Variants in FTO observed in about 807,000 individuals in gnomAD.
The protein encoded by FTO is FTO alpha-ketoglutarate dependent dioxygenase, also known as alpha-ketoglutarate-dependent dioxygenase FTO.
FTO carries 47 observed loss-of-function variants against 63.9 expected under a neutral mutation model. That is an observed-to-expected ratio of 0.74 (90% CI 0.58 to 0.94). The LOEUF (loss-of-function observed/expected upper bound fraction) is 0.94, where lower values mean the gene tolerates loss of function less well. Ranked by LOEUF, FTO falls within the 40% of genes least tolerant of loss-of-function variation. The pLI, the probability that FTO is intolerant of heterozygous loss-of-function variation, is 0.00. For synonymous variants in FTO, 207 were observed against 224.4 expected (o/e 0.92, Z 0.69); for missense variants, 562 against 618.1 (o/e 0.91, Z 0.96).
At chr16:53,962,830 T>C (rs1315948917) in intron 8 of FTO, among the ~76,000 whole-genome samples, 1 of 152,220 alleles carries the variant, frequency 6.6e-6, no homozygotes, top group Non-Finnish European at 1.5e-5. Context: ...TGAATTACTG[T>C]AATTTGCAGC....
intron 8 of FTO, among the ~76,000 whole-genome samples, chr16:54,095,961 C>T (rs530687084): frequency 6.6e-6 from 1 of 152,306 alleles, no homozygotes; most frequent in East Asian, 1.9e-4. Flanking sequence ...TATTTCCAGT[C>T]CCCCTTGCTA....
chr16:53,869,155 G>A (rs971723205), intron 4 of FTO, among the ~76,000 whole-genome samples: 2 of 151,940 alleles, frequency 1.3e-5, no homozygotes, highest in Non-Finnish European at 1.5e-5. Context: ...CTTTTAAAGG[G>A]TAGTTTTGTA....
intron 8 of FTO, among the ~76,000 whole-genome samples, chr16:54,111,521 A>C (rs566330439): frequency 1.3e-5 from 2 of 152,186 alleles, no homozygotes; most frequent in Non-Finnish European, 2.9e-5. Context: ...GCTTCTACGA[A>C]GCCACCTGAG....
intron 8 of FTO, chr16:54,039,749 G>A (rs1323039865): frequency 1.3e-5 from 2 of 152,246 alleles, no homozygotes; most frequent in African/African-American, 4.8e-5. Flanking sequence ...CAGTCTTCAA[G>A]AACTTCAGGG....
At chr16:54,021,911 T>C (rs2084611356) in intron 8 of FTO, among the ~76,000 whole-genome samples, 1 of 152,234 alleles carries the variant, frequency 6.6e-6, no homozygotes, top group Non-Finnish European at 1.5e-5. Context: ...AACAACATAC[T>C]AGTTTTTTAT....
In FTO at chr16:54,112,490, G is replaced by T. The variant is rs942011635; in HGVS notation, c.*575G>T. ...AGTGACTGCTGTATTGGACGGTACAGATATGGAACATTTTCATCATCGAAG... is the reference window on the plus strand; with the variant it reads ...AGTGACTGCTGTATTGGACGGTACATATATGGAACATTTTCATCATCGAAG... On this transcript the variant is annotated 3_prime_UTR_variant, in exon 9 of 9. Coordinates refer to ENST00000471389, the MANE Select transcript of FTO (RefSeq NM_001080432.3). The T allele has an allele frequency of 1.3e-5, 2 of 153,536 alleles. No individual in the cohort carries two copies. Among genetic ancestry groups the T allele is most frequent in the Admixed American group, 6.4e-5 (1 of 15,550 alleles). 9.5% of individuals were successfully genotyped at this position (153,536 alleles called of 1,614,324 possible). A position where few individuals can be genotyped will look rare whatever the true frequency, so the allele number is the denominator to read the frequency against.
chr16:53,802,029 G>A (rs1375960180), intron 1 of FTO, among the ~76,000 whole-genome samples: 1 of 152,198 alleles, frequency 6.6e-6, no homozygotes, highest in East Asian at 1.9e-4. Context: ...CTCCCAAAGT[G>A]CTGGGATTAC....
chr16:53,841,692 A>G (rs8055453), intron 3 of FTO, among the ~76,000 whole-genome samples: 2 of 151,940 alleles, frequency 1.3e-5, no homozygotes, highest in East Asian at 3.9e-4. Flanking sequence ...GTAGAGTACG[A>G]CATTCAGAAT....
intron 8 of FTO, among the ~76,000 whole-genome samples, chr16:53,971,860 C>T (rs573770543): frequency 1.5e-4 from 23 of 152,164 alleles, no homozygotes; most frequent in East Asian, 3.9e-4. Context: ...AAATCCCATC[C>T]GCGCTGTTCT....
At chr16:53,845,233 A>G (rs988020219) in intron 4 of FTO, among the ~76,000 whole-genome samples, 12 of 152,318 alleles carry the variant, frequency 7.9e-5, no homozygotes, top group African/African-American at 2.9e-4. Context: ...TCTCACTCCT[A>G]TCTACCTGGA....
In FTO at chr16:53,899,910, A is replaced by G. The variant is rs191100370; in HGVS notation, c.1239+10959A>G. ...TATTATTGCTTATCTGAATACATGA[A>G]GCTGACTTCATTCCTTAGGTAAAGT... On this transcript the variant is annotated intron_variant, in intron 7 of 8. Transcript: ENST00000471389. Among the ~76,000 whole-genome samples, 73 of 152,364 alleles carry G rather than the reference A, an allele frequency of 4.8e-4. No individual in the cohort carries two copies. In the East Asian group the frequency reaches 0.012, roughly 25 times the overall value.
chr16:53,924,118 A>T lies in FTO; in HGVS notation c.1240-9867A>T, dbSNP rs536183528. Among the ~76,000 whole-genome samples the T allele has an allele frequency of 2.0e-5, 3 of 152,328 alleles. No individual in the cohort carries two copies. The South Asian group carries it at 6.2e-4, about 32-fold the overall frequency. ...ATATTTCCCCCAAGACTTCATACAC[A>T]TAATGCTGCTGCCAATAGTCCTAAT... On this transcript the variant is annotated intron_variant, in intron 7 of 8. Transcript: ENST00000471389.
intron 4 of FTO, among the ~76,000 whole-genome samples, chr16:53,852,700 A>G (rs1271928757): frequency 2.0e-5 from 3 of 152,228 alleles, no homozygotes; most frequent in Non-Finnish European, 4.4e-5. Context: ...AATACTGCAC[A>G]TGTCAGGTCA....
At chr16:53,741,683 C>A (rs1005455658) in intron 1 of FTO, among the ~76,000 whole-genome samples, 3 of 152,178 alleles carry the variant, frequency 2.0e-5, no homozygotes, top group Non-Finnish European at 4.4e-5. Context: ...TCTCAGCATG[C>A]AATTTCATAG....
At chr16:54,016,545 G>GT (rs1322404880) in intron 8 of FTO, among the ~76,000 whole-genome samples, 1 of 152,168 alleles carries the variant, frequency 6.6e-6, no homozygotes, top group Non-Finnish European at 1.5e-5. Flanking sequence ...TGTGTTTTAT[G>GT]TTTTTTATTG....
At chr16:53,876,822 C>T (rs2080668798) in intron 5 of FTO, among the ~76,000 whole-genome samples, 1 of 152,096 alleles carries the variant, frequency 6.6e-6, no homozygotes, top group Non-Finnish European at 1.5e-5. Context: ...AGCTATTCAG[C>T]AGGCTGAGGC....
At chr16:53,917,789 G>T (rs992517843) in intron 7 of FTO, among the ~76,000 whole-genome samples, 1 of 151,598 alleles carries the variant, frequency 6.6e-6, no homozygotes, top group East Asian at 1.9e-4. Flanking sequence ...AATATGTGCC[G>T]AGTAGCAGGT....
rs1188729765 is a variant in FTO, at chr16:54,051,741, A to T, written c.1365-60021A>T. On this transcript the variant is annotated intron_variant, in intron 8 of 8. Transcript: ENST00000471389. ...ATCAATACTTCATTTTATGTAACATAGTGTTTTAAAATTATATTTAAAAGG... is the reference window on the plus strand; with the variant it reads ...ATCAATACTTCATTTTATGTAACATTGTGTTTTAAAATTATATTTAAAAGG... 3.1e-4 allele frequency among the ~76,000 whole-genome samples: 47 copies of T among 152,228 alleles called. 1 individual carries two copies. The highest frequency in any genetic ancestry group is 3.1e-3 in the Admixed American group (47 of 15,278).
chr16:53,737,927 A>G (rs1157953005), intron 1 of FTO, among the ~76,000 whole-genome samples: 3 of 151,660 alleles, frequency 2.0e-5, no homozygotes, highest in Non-Finnish European at 2.9e-5. Context: ...AGGTTCATCT[A>G]TGTTGTAGAA....
Sources: gnomAD v4.1 joint callset for allele counts (sites outside exome capture counted in the v4.1 genomes callset) on GRCh38, gnomAD v4.1.1 for gene constraint, MANE v1.5 for transcripts, NCBI Gene and HGNC (gene_info 2026-07-23, HGNC 2026-07-21) for gene names.